THRB: variants seen among roughly 807,000 people sequenced by gnomAD.
THRB encodes thyroid hormone receptor beta, also known as nuclear receptor subfamily 1 group A member 2.
In THRB, 12 loss-of-function variants were observed where a neutral mutation model predicts 47.8. The observed-to-expected ratio is 0.25, with a 90% confidence interval of 0.16 to 0.41. The LOEUF (loss-of-function observed/expected upper bound fraction) is 0.41, where lower values mean the gene tolerates loss of function less well. Ranked by LOEUF, THRB falls within the 10% of genes least tolerant of loss-of-function variation. The probability of loss-of-function intolerance (pLI) is 1.00; values close to 1 mark genes in which losing one functional copy is unlikely to be tolerated. For synonymous variants in THRB, 218 were observed against 212.2 expected (o/e 1.03, Z -0.24); for missense variants, 348 against 589.2 (o/e 0.59, Z 4.24).
At chr3:24,332,289 A>G (rs536859645) in intron 2 of THRB, among the ~76,000 whole-genome samples, 128 of 152,298 alleles carry the variant, frequency 8.4e-4, no homozygotes, top group African/African-American at 3.0e-3. Flanking sequence ...ATAAAGCCAT[A>G]TGCTAAGAAT....
intron 1 of THRB, among the ~76,000 whole-genome samples, chr3:24,480,973 G>A (rs1233935423): frequency 1.3e-5 from 2 of 152,132 alleles, no homozygotes; most frequent in Non-Finnish European, 1.5e-5. Context: ...TATCATCCCT[G>A]CAGAAATTTG....
chr3:24,319,438 T>C (rs2058335281), intron 2 of THRB, among the ~76,000 whole-genome samples: 2 of 152,358 alleles, frequency 1.3e-5, no homozygotes, highest in South Asian at 4.1e-4. Flanking sequence ...ATCTTACAAA[T>C]GTTATGTTGA....
intron 1 of THRB, among the ~76,000 whole-genome samples, chr3:24,419,961 C>G (rs1163305837): frequency 6.6e-6 from 1 of 151,808 alleles, no homozygotes; most frequent in Non-Finnish European, 1.5e-5. Flanking sequence ...GGCCCTGAAT[C>G]GAGGCTCCAC....
chr3:24,122,426 C>T lies in THRB; in HGVS notation c.*458G>A. 4.6e-6 allele frequency: 1 copy of T among 218,414 alleles called. No homozygotes were observed. Among genetic ancestry groups the T allele is most frequent in the Non-Finnish European group, 9.2e-6 (1 of 108,184 alleles). The allele number at this position is 218,414 out of a possible 1,614,324, so 13.5% of individuals were successfully genotyped here. ...AGATGAAAATTTGTTCGAGTCTTTC[C>T]CTAAAAGGCTGAAAGCCACATCTAA... On this transcript the variant is annotated 3_prime_UTR_variant, in exon 11 of 11. Transcript: ENST00000646209.
At chr3:24,147,262 C>T (rs1389944416) in intron 6 of THRB, among the ~76,000 whole-genome samples, 1 of 152,096 alleles carries the variant, frequency 6.6e-6, no homozygotes, top group Non-Finnish European at 1.5e-5. Flanking sequence ...AATGAAAAGA[C>T]ATGGATACTT....
chr3:24,192,988 G>A (rs999273307), intron 4 of THRB, among the ~76,000 whole-genome samples: 9 of 152,140 alleles, frequency 5.9e-5, no homozygotes, highest in African/African-American at 2.2e-4. Flanking sequence ...GAGGATTCTT[G>A]ATTCTGATCC....
At chr3:24,411,630 A>C (rs1216046322) in intron 1 of THRB, among the ~76,000 whole-genome samples, 1 of 151,842 alleles carries the variant, frequency 6.6e-6, no homozygotes, top group Non-Finnish European at 1.5e-5. Flanking sequence ...GACTACTTTT[A>C]TCTGAATCAA....
intron 1 of THRB, among the ~76,000 whole-genome samples, chr3:24,491,367 A>C (rs553732520): frequency 1.3e-5 from 2 of 152,344 alleles, no homozygotes; most frequent in East Asian, 3.9e-4. Flanking sequence ...TTTTGCTCTC[A>C]ATTGGCAAGA....
At chr3:24,141,471 C>T (rs969761626) in intron 8 of THRB, among the ~76,000 whole-genome samples, 5 of 152,214 alleles carry the variant, frequency 3.3e-5, no homozygotes, top group Non-Finnish European at 7.3e-5. Flanking sequence ...CTCTTCATCC[C>T]ATCACACTGT....
chr3:24,228,485 T>G (rs1333877214), intron 4 of THRB, among the ~76,000 whole-genome samples: 1 of 151,772 alleles, frequency 6.6e-6, no homozygotes, highest in Non-Finnish European at 1.5e-5. Flanking sequence ...GAAGTAAACA[T>G]ACACCGGGTG....
chr3:24,462,200 A>C (rs1471332771), intron 1 of THRB, among the ~76,000 whole-genome samples: 4 of 152,248 alleles, frequency 2.6e-5, no homozygotes, highest in Non-Finnish European at 5.9e-5. Flanking sequence ...GTTATCCCAA[A>C]AAGGGCCCCA....
intron 1 of THRB, chr3:24,459,093 T>G (rs991835034): frequency 6.6e-6 from 1 of 152,160 alleles, no homozygotes; most frequent in African/African-American, 2.4e-5. Flanking sequence ...TTTCTCCTAA[T>G]GTTATCCCTT....
intron 1 of THRB, among the ~76,000 whole-genome samples, chr3:24,406,790 A>T (rs1416555409): frequency 2.6e-5 from 4 of 151,950 alleles, no homozygotes; most frequent in African/African-American, 4.8e-5. Flanking sequence ...AGACATCACA[A>T]TCATGCAGTT....
chr3:24,409,013 T>C (rs543184677), intron 1 of THRB, among the ~76,000 whole-genome samples: 28 of 151,972 alleles, frequency 1.8e-4, no homozygotes, highest in Non-Finnish European at 1.3e-4. Flanking sequence ...TTATGGTTTA[T>C]GAGGTTACTA....
chr3:24,336,330 G>A (rs1408620378), intron 2 of THRB, among the ~76,000 whole-genome samples: 1 of 152,164 alleles, frequency 6.6e-6, no homozygotes, highest in East Asian at 1.9e-4. Context: ...TGGGCAAGAG[G>A]AGGCACAAAG....
intron 1 of THRB, among the ~76,000 whole-genome samples, chr3:24,364,717 C>T (rs1376676643): frequency 6.6e-6 from 1 of 152,078 alleles, no homozygotes; most frequent in Non-Finnish European, 1.5e-5. Context: ...TGGGGGTACT[C>T]ATGTGAAAAA....
At chr3:24,134,549 C>A (rs1161003643) in intron 8 of THRB, among the ~76,000 whole-genome samples, 2 of 152,144 alleles carry the variant, frequency 1.3e-5, no homozygotes, top group Non-Finnish European at 1.5e-5. Flanking sequence ...CTGCTGAGGC[C>A]AGGCCTGCGA....
At chr3:24,350,409 T>C (rs750725270) in intron 1 of THRB, among the ~76,000 whole-genome samples, 1 of 152,156 alleles carries the variant, frequency 6.6e-6, no homozygotes, top group Non-Finnish European at 1.5e-5. Context: ...TGTCCATAGC[T>C]GCTCTTTGCA....
At chr3:24,358,731 C>T (rs1051303995) in intron 1 of THRB, among the ~76,000 whole-genome samples, 7 of 152,104 alleles carry the variant, frequency 4.6e-5, no homozygotes, top group African/African-American at 7.2e-5. Flanking sequence ...GTCTCCTTTA[C>T]ACTGATGTTT....
Sources: allele counts gnomAD v4.1 joint callset (sites outside exome capture counted in the v4.1 genomes callset), GRCh38; gene constraint gnomAD v4.1.1; transcripts MANE v1.5; gene names NCBI Gene and HGNC (gene_info 2026-07-23, HGNC 2026-07-21).